Variants in DLG2 observed in about 807,000 individuals in gnomAD.
DLG2 encodes the protein discs large MAGUK scaffold protein 2, also known as disks large homolog 2.
A neutral mutation model predicts 132.5 loss-of-function variants in DLG2; 45 were observed. The observed-to-expected ratio is 0.34, with a 90% CI of 0.27 to 0.44. The LOEUF (loss-of-function observed/expected upper bound fraction) is 0.44, where lower values mean the gene tolerates loss of function less well. Ranked by LOEUF, DLG2 falls within the 20% of genes least tolerant of loss-of-function variation. The pLI is 1.00. For missense variants in DLG2, 1,045 were observed against 1,196.9 expected, an observed-to-expected ratio of 0.87 and a Z score of 1.87; for synonymous variants, 424 against 419.6, an observed-to-expected ratio of 1.01 and a Z score of -0.13.
chr11:84,177,013 A>G (rs1006850943), intron 8 of DLG2, among the ~76,000 whole-genome samples: 1 of 151,980 alleles, frequency 6.6e-6, no homozygotes, highest in African/African-American at 2.4e-5. Context: ...CTTGCATTCT[A>G]TTAATTAAAC....
chr11:83,675,038 T>A (rs2077450991), intron 18 of DLG2, among the ~76,000 whole-genome samples: 2 of 152,238 alleles, frequency 1.3e-5, no homozygotes, highest in Non-Finnish European at 2.9e-5. Context: ...AACAGTTTTG[T>A]CACTTCCTCT....
chr11:84,159,374 G>A (rs2095497647), intron 9 of DLG2, among the ~76,000 whole-genome samples: 1 of 152,114 alleles, frequency 6.6e-6, no homozygotes, highest in South Asian at 2.1e-4. Context: ...ACAGTGAACA[G>A]GGAAGATTTT....
At chr11:85,233,223 C>T (rs750047963) in intron 4 of DLG2, among the ~76,000 whole-genome samples, 3 of 151,574 alleles carry the variant, frequency 2.0e-5, no homozygotes, top group African/African-American at 4.8e-5. Flanking sequence ...TTGAGGTCTG[C>T]GTATTGTTTT....
rs1315770291 is a variant in DLG2 at position 83,455,703 on chromosome 11, CAATGT to C, written c.*4110_*4114del. 1 of 152,184 alleles carries C rather than the reference CAATGT, an allele frequency of 6.6e-6. No homozygotes were observed. Among genetic ancestry groups the C allele is most frequent in the Admixed American group, 6.6e-5 (1 of 15,266 alleles). 9.4% of individuals were successfully genotyped at this position (152,184 alleles called of 1,614,324 possible). A position where few individuals can be genotyped will look rare whatever the true frequency, so the allele number is the denominator to read the frequency against. ...GTTTCCAACCACAGTCATTCATACT[CAATGT>C]AACGTGTGTACATGGTATACATACC... On this transcript the variant is annotated 3_prime_UTR_variant, in exon 28 of 28. Coordinates refer to ENST00000376104, the MANE Select transcript of DLG2 (RefSeq NM_001142699.3).
chr11:84,303,477 T>C (rs917202952), intron 7 of DLG2, among the ~76,000 whole-genome samples: 2 of 152,198 alleles, frequency 1.3e-5, no homozygotes, highest in South Asian at 2.1e-4. Context: ...GGTCATGTAG[T>C]CTACAACAGA....
intron 3 of DLG2, among the ~76,000 whole-genome samples, chr11:85,481,658 C>T (rs1597760724): frequency 6.6e-6 from 1 of 152,168 alleles, no homozygotes; most frequent in East Asian, 1.9e-4. Context: ...ATCCAGGCTG[C>T]CCCATGACCA....
At chr11:85,066,740 A>G (rs1026036622) in intron 6 of DLG2, among the ~76,000 whole-genome samples, 2 of 151,844 alleles carry the variant, frequency 1.3e-5, no homozygotes, top group South Asian at 4.1e-4. Flanking sequence ...AGAATTCAAT[A>G]TCCTATCATA....
rs528965572 is a variant in DLG2, at chr11:84,594,546, G to C, written c.358-59815C>G. Among the ~76,000 whole-genome samples, 3 of 152,298 alleles carry C rather than the reference G, an allele frequency of 2.0e-5. No individual in the cohort carries two copies. In the South Asian group the frequency reaches 6.2e-4, roughly 32 times the overall value. On this transcript the variant is annotated intron_variant, in intron 6 of 27. Coordinates refer to ENST00000376104, the MANE Select transcript of DLG2 (RefSeq NM_001142699.3). ...AAAGCATGAGAAAACAACAATGAAA[G>C]AACAAAGTAGCAGTCCAAAAAATTG...
chr11:84,015,827 A>C (rs530350754), intron 11 of DLG2, among the ~76,000 whole-genome samples: 2 of 152,234 alleles, frequency 1.3e-5, no homozygotes, highest in East Asian at 3.9e-4. Context: ...GCTATTGTGA[A>C]TAGTGCTACA....
intron 11 of DLG2, among the ~76,000 whole-genome samples, chr11:84,054,467 C>T (rs537276053): frequency 6.6e-6 from 1 of 151,978 alleles, no homozygotes; most frequent in African/African-American, 2.4e-5. Context: ...AATTGATTGC[C>T]CACATGCAGA....
At chr11:85,257,502 T>C (rs1442384626) in intron 4 of DLG2, among the ~76,000 whole-genome samples, 3 of 152,186 alleles carry the variant, frequency 2.0e-5, no homozygotes, top group African/African-American at 7.2e-5. Context: ...CTGTGAAAAA[T>C]GTTATTTACA....
intron 3 of DLG2, among the ~76,000 whole-genome samples, chr11:85,307,499 A>AT (rs1212710546): frequency 2.6e-5 from 4 of 152,120 alleles, no homozygotes; most frequent in Non-Finnish European, 4.4e-5. Context: ...TTCTTCAAGC[A>AT]TTTTTTTAGC....
At chr11:84,714,625 C>CTCTTTCTCTTTCTCTT (rs1173761973) in intron 6 of DLG2, among the ~76,000 whole-genome samples, 1 of 104,510 alleles carries the variant, frequency 9.6e-6, no homozygotes, top group East Asian at 2.4e-4. Context: ...CTTTCTCTTT[C>CTCTTTCTCTTTCTCTT]TCTCTCTCTC....
intron 11 of DLG2, among the ~76,000 whole-genome samples, chr11:84,025,848 A>C (rs1326138356): frequency 3.9e-5 from 6 of 152,094 alleles, no homozygotes; most frequent in Non-Finnish European, 7.3e-5. Flanking sequence ...ATCCAGACAA[A>C]GAAAGAAAGG....
At chr11:85,287,021 T>A (rs754187494) in intron 3 of DLG2, among the ~76,000 whole-genome samples, 6 of 152,190 alleles carry the variant, frequency 3.9e-5, no homozygotes, top group Non-Finnish European at 7.4e-5. Context: ...TAGTATTGGA[T>A]TATAACACAA....
At chr11:83,510,581 C>T (rs1030256121) in intron 21 of DLG2, among the ~76,000 whole-genome samples, 17 of 152,084 alleles carry the variant, frequency 1.1e-4, no homozygotes, top group African/African-American at 2.7e-4. Flanking sequence ...TTAGGACTCT[C>T]GCTAGGGAGT....
chr11:83,874,355 G>T, intron 16 of DLG2, 65 bp downstream of exon 16: 1 of 1,139,144 alleles, frequency 8.8e-7, no homozygotes, highest in Non-Finnish European at 1.2e-6. Flanking sequence ...CAGAGACAGG[G>T]AGAGAAAGGA....
intron 6 of DLG2, among the ~76,000 whole-genome samples, chr11:84,684,437 C>A (rs1338136188): frequency 6.6e-6 from 1 of 152,162 alleles, no homozygotes; most frequent in Non-Finnish European, 1.5e-5. Context: ...TTCACTAATA[C>A]ACAGGGTGTC....
intron 3 of DLG2, among the ~76,000 whole-genome samples, chr11:85,429,901 A>G (rs2091046293): frequency 6.6e-6 from 1 of 152,216 alleles, no homozygotes; most frequent in Non-Finnish European, 1.5e-5. Context: ...ATAAAGACAC[A>G]TACACACATA....
Sources: gnomAD v4.1 joint callset for allele counts (sites outside exome capture counted in the v4.1 genomes callset) on GRCh38, gnomAD v4.1.1 for gene constraint, MANE v1.5 for transcripts, NCBI Gene and HGNC (gene_info 2026-07-23, HGNC 2026-07-21) for gene names.